Variants in NDUFS6 observed in about 807,000 individuals in gnomAD.
NDUFS6 encodes the protein NADH:ubiquinone oxidoreductase subunit S6.
Under a neutral mutation model 13.2 loss-of-function variants are expected in NDUFS6, and 14 were observed. The observed-to-expected ratio is 1.06, with a 90% CI of 0.70 to 1.66. NDUFS6 has a LOEUF of 1.66. Among genes scored for constraint, NDUFS6 ranks in the 40% most tolerant of loss-of-function variants. The probability of loss-of-function intolerance (pLI) is 0.00; values close to 1 mark genes in which losing one functional copy is unlikely to be tolerated. For missense variants in NDUFS6, 206 were observed against 170.8 expected (o/e 1.21, Z -1.15); for synonymous variants, 95 against 72.3 (o/e 1.31, Z -1.60).
chr5:1,807,099 A>G (rs1734135873), intron 2 of NDUFS6, among the ~76,000 whole-genome samples: 1 of 152,256 alleles, frequency 6.6e-6, no homozygotes, highest in Non-Finnish European at 1.5e-5. Context: ...GTCGCTTCTT[A>G]GAAGTACTGT....
chr5:1,811,306 G>T (rs945485693), intron 2 of NDUFS6, among the ~76,000 whole-genome samples: 1 of 151,944 alleles, frequency 6.6e-6, no homozygotes, highest in African/African-American at 2.4e-5. Flanking sequence ...GTTGTTCAAG[G>T]ATTAACTGTA....
At chr5:1,804,513 C>G (rs1406075921) in intron 2 of NDUFS6, among the ~76,000 whole-genome samples, 2 of 152,242 alleles carry the variant, frequency 1.3e-5, no homozygotes, top group Non-Finnish European at 2.9e-5. Flanking sequence ...AGTGCCTTCC[C>G]CCATTCAGCA....
intron 2 of NDUFS6, among the ~76,000 whole-genome samples, chr5:1,808,953 G>A (rs550011390): frequency 3.6e-4 from 55 of 152,162 alleles, no homozygotes; most frequent in South Asian, 1.7e-3. Context: ...GAATGGGGTC[G>A]GTATTCTACA....
rs1397646969 is a variant in NDUFS6, at chr5:1,802,121, T to G, written c.133-200T>G. 29 of 576,010 alleles carry G rather than the reference T, an allele frequency of 5.0e-5. No homozygotes were observed. In the East Asian group the frequency reaches 7.8e-4, roughly 15 times the overall value. The allele number at this position is 576,010 out of a possible 1,614,324, so 35.7% of individuals were successfully genotyped here. On this transcript the variant is annotated intron_variant, in intron 1 of 3. Transcript: ENST00000274137. Reference sequence around the variant, plus strand: ...GCTATGTCTCTGTGCTGCTCTCTGATCCAGGTGACCACCCGTTTTCATCCC... The same window carrying G: ...GCTATGTCTCTGTGCTGCTCTCTGAGCCAGGTGACCACCCGTTTTCATCCC...
intron 2 of NDUFS6, among the ~76,000 whole-genome samples, chr5:1,811,390 GACA>G (rs1734217625): frequency 6.6e-6 from 1 of 152,092 alleles, no homozygotes; most frequent in Non-Finnish European, 1.5e-5. Context: ...ATATTAACAT[GACA>G]ACAATATAAT....
chr5:1,804,924 CGA>C (rs1404482253), intron 2 of NDUFS6, among the ~76,000 whole-genome samples: 4 of 152,150 alleles, frequency 2.6e-5, no homozygotes, highest in Non-Finnish European at 4.4e-5. Context: ...AGTGTTGTAC[CGA>C]GTTCACTGCC....
intron 2 of NDUFS6, among the ~76,000 whole-genome samples, chr5:1,803,832 G>C (rs986724654): frequency 6.6e-6 from 1 of 152,224 alleles, no homozygotes; most frequent in African/African-American, 2.4e-5. Flanking sequence ...GGGCATTCTT[G>C]TTAGGTATAT....
intron 2 of NDUFS6, among the ~76,000 whole-genome samples, chr5:1,805,708 A>G (rs892564977): frequency 3.3e-5 from 5 of 152,254 alleles, no homozygotes; most frequent in African/African-American, 4.8e-5. Flanking sequence ...TAGTCGTACA[A>G]GTAAAATTAA....
At chr5:1,804,561 G>A (rs1294645900) in intron 2 of NDUFS6, among the ~76,000 whole-genome samples, 1 of 152,232 alleles carries the variant, frequency 6.6e-6, no homozygotes. Context: ...CTCACACCTT[G>A]GAGGTTCAAG....
At chr5:1,803,424 C>T (rs1205731921) in intron 2 of NDUFS6, among the ~76,000 whole-genome samples, 1 of 152,128 alleles carries the variant, frequency 6.6e-6, no homozygotes, top group Admixed American at 6.5e-5. Flanking sequence ...TTAGTGATGT[C>T]TACCAGGATC....
rs773825650 is a variant in NDUFS6, at chr5:1,815,907, C to T, written c.366C>T (p.His122=). The change falls in exon 4 of 4, where the codon CAC becomes CAT. Residue 122 remains histidine (H), a synonymous_variant. Transcript: ENST00000274137. ...CGYCGLQFRQ[H]HH is the part of the protein sequence containing the mutation. ...ACTGTGGGCTCCAGTTCAGACAGCA[C>T]CACCACTAGAGCGTGTGGCACGCCG... 1.2e-6 allele frequency: 2 copies of T among 1,614,234 alleles called. No homozygotes were observed. Among genetic ancestry groups the T allele is most frequent in the African/African-American group, 1.3e-5 (1 of 75,062 alleles).
Position 1,802,348 on chromosome 5 carries a change from A to T in NDUFS6, c.160A>T (p.Ile54Phe). 1 of 1,614,062 alleles carries T rather than the reference A, an allele frequency of 6.2e-7. No individual in the cohort carries two copies. Among genetic ancestry groups the T allele is most frequent in the Non-Finnish European group, 8.5e-7 (1 of 1,179,968 alleles). ...TTATGATGATAAAGACTACAGGAGA[A>T]TTCGGTTTGTAGGTCGTCAGAAAGA... ...QVYDDKDYRR[I>F]RFVGRQKEVN... is the part of the protein sequence containing the mutation. The change falls in exon 2 of 4, where the codon ATT (isoleucine) becomes TTT (phenylalanine). Residue 54 changes from isoleucine to phenylalanine, a missense_variant. Transcript: ENST00000274137.
intron 2 of NDUFS6, among the ~76,000 whole-genome samples, chr5:1,804,437 C>T (rs576088251): frequency 1.3e-5 from 2 of 152,392 alleles, no homozygotes; most frequent in East Asian, 1.9e-4. Flanking sequence ...ATAGTAGTGT[C>T]TGTGACCGGC....
chr5:1,813,353 A>G (rs1734249623), intron 2 of NDUFS6, among the ~76,000 whole-genome samples: 1 of 152,254 alleles, frequency 6.6e-6, no homozygotes, highest in East Asian at 1.9e-4. Context: ...AATATAAAAT[A>G]TAGTCTCAGT....
intron 2 of NDUFS6, among the ~76,000 whole-genome samples, chr5:1,810,224 G>A (rs1233797212): frequency 6.6e-6 from 1 of 152,216 alleles, no homozygotes; most frequent in East Asian, 1.9e-4. Flanking sequence ...GTGCCATTAA[G>A]CAGGGGAACC....
rs750084209 is a variant in NDUFS6 at position 1,814,568 on chromosome 5, A to G, written c.309+107A>G. On this transcript the variant is annotated intron_variant, in intron 3 of 3. Coordinates refer to ENST00000274137, the MANE Select transcript of NDUFS6 (RefSeq NM_004553.6). The surrounding 1 kb of genome is among the most constrained non-coding windows in gnomAD (Gnocchi z 4.9). ...CTGTCCTCTTCTCTACCTGCTCCCG[A>G]GGCGGCCCTTACGGGGTTCACACTG... 6.4e-7 allele frequency: 1 copy of G among 1,556,538 alleles called. No homozygotes were observed. The highest frequency in any genetic ancestry group is 8.7e-7 in the Non-Finnish European group (1 of 1,143,692).
chr5:1,815,729 A>G (rs1734297814), intron 3 of NDUFS6, 122 bp from the exon 4 acceptor site: 2 of 995,980 alleles, frequency 2.0e-6, no homozygotes, highest in East Asian at 2.6e-5. Context: ...TTCTTACTTC[A>G]GTAGTAACTG....
chr5:1,801,432 G>A lies in NDUFS6; in HGVS notation c.15G>A (p.Met5Ile), dbSNP rs374411074. Residue 5 changes from methionine (M) to isoleucine (I), a missense_variant, in exon 1 of 4, where the codon ATG becomes ATA. Transcript: ENST00000274137. MAAA[M>I]TFCRLLNRCG... ...AGCGGCGCAAAATGGCGGCGGCGATGACCTTCTGCCGGCTGCTGAACCGGT... is the reference window on the plus strand; with the variant it reads ...AGCGGCGCAAAATGGCGGCGGCGATAACCTTCTGCCGGCTGCTGAACCGGT... 41 of 1,605,202 alleles carry A rather than the reference G, an allele frequency of 2.6e-5. No homozygotes were observed. In the African/African-American group the frequency reaches 3.1e-4, roughly 12 times the overall value.
In NDUFS6 at chr5:1,814,829, A is replaced by T. The variant is rs1364138177; in HGVS notation, c.309+368A>T. On this transcript the variant is annotated intron_variant, in intron 3 of 3. Coordinates refer to ENST00000274137, the MANE Select transcript of NDUFS6 (RefSeq NM_004553.6). The surrounding 1 kb of genome is among the most constrained non-coding windows in gnomAD (Gnocchi z 4.9). ...CATTTCCCACAGCGCTGGAGGCTGC[A>T]GCCCAAGACCACCGTGCCGCTCTGT... 2 of 629,970 alleles carry T rather than the reference A, an allele frequency of 3.2e-6. No individual in the cohort carries two copies. Among genetic ancestry groups the T allele is most frequent in the Non-Finnish European group, 5.7e-6 (2 of 351,042 alleles). The allele number at this position is 629,970 out of a possible 1,614,324, so 39.0% of individuals were successfully genotyped here.
Sources: gnomAD v4.1 joint callset for allele counts (sites outside exome capture counted in the v4.1 genomes callset) on GRCh38, gnomAD v4.1.1 for gene constraint, Gnocchi (gnomAD v3.1) non-coding constraint, MANE v1.5 for transcripts, NCBI Gene and HGNC (gene_info 2026-07-23, HGNC 2026-07-21) for gene names.